The following ZFAND3 variants were observed in gnomAD, a reference collection of about 807,000 sequenced individuals.
ZFAND3 encodes AN1-type zinc finger protein 3.
Under a neutral mutation model 29.6 loss-of-function variants are expected in ZFAND3, and 10 were observed. The observed-to-expected ratio is 0.34, with a 90% CI of 0.21 to 0.57. The LOEUF is 0.57. Among genes scored for constraint, ZFAND3 ranks in the 20% least tolerant of loss-of-function variants. ZFAND3 has a pLI of 0.86. For missense variants in ZFAND3, 230 were observed against 304.5 expected (o/e 0.76, Z 1.82); for synonymous variants, 128 against 112.6 (o/e 1.14, Z -0.87).
chr6:38,152,507 T>G lies in ZFAND3; in HGVS notation c.*118T>G. ...CGCGTCAGACTGCAGCCAGTCCGTT[T>G]CCTTTCTTTAGCCAGCCATCCTGGT... is the stretch of plus-strand genomic sequence containing the variant. On this transcript the variant is annotated 3_prime_UTR_variant, in exon 6 of 6. Coordinates refer to ENST00000287218, the MANE Select transcript of ZFAND3 (RefSeq NM_021943.3). 1 of 1,374,156 alleles carries G rather than the reference T, an allele frequency of 7.3e-7. No individual in the cohort carries two copies. Among genetic ancestry groups the G allele is most frequent in the Non-Finnish European group, 9.4e-7 (1 of 1,062,976 alleles). 85.1% of individuals were successfully genotyped at this position (1,374,156 alleles called of 1,614,324 possible). A position where few individuals can be genotyped will look rare whatever the true frequency, so the allele number is the denominator to read the frequency against.
At chr6:38,009,873 G>A (rs1763115973) in intron 2 of ZFAND3, among the ~76,000 whole-genome samples, 1 of 152,168 alleles carries the variant, frequency 6.6e-6, no homozygotes, top group South Asian at 2.1e-4. Flanking sequence ...ATCTGAAATT[G>A]ATATTTTATC....
At chr6:38,017,868 A>C (rs889213941) in intron 2 of ZFAND3, among the ~76,000 whole-genome samples, 4 of 152,208 alleles carry the variant, frequency 2.6e-5, no homozygotes, top group Non-Finnish European at 5.9e-5. Flanking sequence ...TATTCGTGTC[A>C]GCATTCTTGA....
Position 38,152,907 on chromosome 6 carries a change from C to T in ZFAND3, c.*518C>T, listed in dbSNP as rs1324525738. ...CACGGGAGGCTGCTGAGATTGGCCACGTGGCTGGGCTGGGTGGTGGCCTCA... is the reference window on the plus strand; with the variant it reads ...CACGGGAGGCTGCTGAGATTGGCCATGTGGCTGGGCTGGGTGGTGGCCTCA... On this transcript the variant is annotated 3_prime_UTR_variant, in exon 6 of 6. Coordinates refer to ENST00000287218, the MANE Select transcript of ZFAND3 (RefSeq NM_021943.3). 1.0e-5 allele frequency: 10 copies of T among 985,762 alleles called. No individual in the cohort carries two copies. The highest frequency in any genetic ancestry group is 8.7e-5 in the African/African-American group (5 of 57,224). The allele number at this position is 985,762 out of a possible 1,614,324, so 61.1% of individuals were successfully genotyped here. A position where few individuals can be genotyped will look rare whatever the true frequency, so the allele number is the denominator to read the frequency against.
At chr6:37,832,601 T>G (rs1354238708) in intron 1 of ZFAND3, among the ~76,000 whole-genome samples, 5 of 152,156 alleles carry the variant, frequency 3.3e-5, no homozygotes, top group Non-Finnish European at 7.4e-5. Context: ...AGGTTAAGTT[T>G]ACTTACTGGT....
chr6:37,899,559 G>A (rs1765281389), intron 1 of ZFAND3, among the ~76,000 whole-genome samples: 1 of 152,104 alleles, frequency 6.6e-6, no homozygotes, highest in Non-Finnish European at 1.5e-5. Context: ...CAATTTAGAT[G>A]TATATTTGTA....
intron 1 of ZFAND3, among the ~76,000 whole-genome samples, chr6:37,914,434 G>C (rs962175372): frequency 3.3e-5 from 5 of 152,118 alleles, no homozygotes; most frequent in African/African-American, 1.2e-4. Context: ...TGCCTCCTGT[G>C]TTCAAGCGAT....
intron 3 of ZFAND3, 22 bp downstream of exon 3, chr6:38,061,797 G>A: frequency 6.2e-7 from 1 of 1,612,250 alleles, no homozygotes. Context: ...GCTTCTGAGG[G>A]GTGGTAGAGA....
In ZFAND3 at chr6:38,029,159, C is replaced by T. The variant is rs545381087; in HGVS notation, c.113-32434C>T. Among the ~76,000 whole-genome samples, 7 of 152,250 alleles carry T rather than the reference C, an allele frequency of 4.6e-5. No homozygotes were observed. In the South Asian group the frequency reaches 1.0e-3, roughly 23 times the overall value. Reference sequence around the variant, plus strand: ...TTTGTAGAAAAGCCATTTAAAAGTCCATCAAGCTTCTTTACTCATCTTATT... The same window carrying T: ...TTTGTAGAAAAGCCATTTAAAAGTCTATCAAGCTTCTTTACTCATCTTATT... On this transcript the variant is annotated intron_variant, in intron 2 of 5. Transcript: ENST00000287218.
At chr6:37,947,970 C>T (rs966508578) in intron 2 of ZFAND3, among the ~76,000 whole-genome samples, 2 of 152,072 alleles carry the variant, frequency 1.3e-5, no homozygotes, top group Non-Finnish European at 2.9e-5. Flanking sequence ...CCATTGTGCT[C>T]AAGAAACATT....
At chr6:37,869,565 G>A (rs1764653432) in intron 1 of ZFAND3, among the ~76,000 whole-genome samples, 2 of 150,138 alleles carry the variant, frequency 1.3e-5, no homozygotes, top group Non-Finnish European at 3.0e-5. Context: ...CTTAAGTGCA[G>A]TGATGTGGTC....
intron 1 of ZFAND3, among the ~76,000 whole-genome samples, chr6:37,845,341 T>G (rs959652749): frequency 6.6e-6 from 1 of 152,158 alleles, no homozygotes; most frequent in African/African-American, 2.4e-5. Flanking sequence ...TTTTTTTTTG[T>G]TTTTTAATTT....
chr6:37,832,074 T>G (rs976294197), intron 1 of ZFAND3, among the ~76,000 whole-genome samples: 1 of 152,192 alleles, frequency 6.6e-6, no homozygotes, highest in Non-Finnish European at 1.5e-5. Flanking sequence ...CGTGGACCCC[T>G]TCTGAGAATA....
intron 1 of ZFAND3, among the ~76,000 whole-genome samples, chr6:37,861,684 G>A (rs1276273721): frequency 6.6e-6 from 1 of 152,182 alleles, no homozygotes; most frequent in African/African-American, 2.4e-5. Context: ...ATATCTGGCT[G>A]CAAATAAGTC....
chr6:38,145,517 A>C (rs539725037), intron 5 of ZFAND3, among the ~76,000 whole-genome samples: 11 of 151,874 alleles, frequency 7.2e-5, no homozygotes, highest in African/African-American at 2.7e-4. Context: ...CTGTGTAGAC[A>C]GAGGTAAGCT....
intron 5 of ZFAND3, among the ~76,000 whole-genome samples, chr6:38,144,700 G>A (rs1002747564): frequency 1.3e-5 from 2 of 152,188 alleles, no homozygotes; most frequent in Non-Finnish European, 2.9e-5. Flanking sequence ...ATTTGCAAAT[G>A]AGGTAAAAAC....
chr6:38,149,171 G>C (rs758230834), intron 5 of ZFAND3, among the ~76,000 whole-genome samples: 4 of 152,044 alleles, frequency 2.6e-5, no homozygotes, highest in Non-Finnish European at 5.9e-5. Context: ...ACTTGGAAAG[G>C]TCAAGGCGGG....
intron 2 of ZFAND3, among the ~76,000 whole-genome samples, chr6:38,032,450 G>T (rs1173649688): frequency 6.6e-6 from 1 of 152,212 alleles, no homozygotes; most frequent in African/African-American, 2.4e-5. Flanking sequence ...ACTCTGCTCA[G>T]TGGTCATGGA....
chr6:37,937,638 A>G (rs1259728131), intron 2 of ZFAND3, among the ~76,000 whole-genome samples: 3 of 123,884 alleles, frequency 2.4e-5, no homozygotes, highest in Non-Finnish European at 4.8e-5. Flanking sequence ...CTAGCGACAG[A>G]GCGAGACTCC....
intron 2 of ZFAND3, among the ~76,000 whole-genome samples, chr6:38,040,654 C>T (rs1476873402): frequency 6.6e-6 from 1 of 152,074 alleles, no homozygotes; most frequent in East Asian, 1.9e-4. Flanking sequence ...TATACAGATT[C>T]GGGAGTTGTT....
Sources: gnomAD v4.1 joint callset for allele counts (sites outside exome capture counted in the v4.1 genomes callset) on GRCh38, gnomAD v4.1.1 for gene constraint, MANE v1.5 for transcripts, NCBI Gene and HGNC (gene_info 2026-07-23, HGNC 2026-07-21) for gene names.